Variants in TEC observed in about 807,000 individuals in gnomAD.
The protein encoded by TEC is tyrosine-protein kinase Tec.
Under a neutral mutation model 93.0 loss-of-function variants are expected in TEC, and 72 were observed. That is an observed-to-expected ratio of 0.77 (90% CI 0.64 to 0.94). TEC has a LOEUF of 0.94. Ranked by LOEUF, TEC falls within the 40% of genes least tolerant of loss-of-function variation. The pLI, the probability that TEC is intolerant of heterozygous loss-of-function variation, is 0.00. For missense variants in TEC, 630 were observed against 757.9 expected, an observed-to-expected ratio of 0.83 and a Z score of 1.98; for synonymous variants, 249 against 247.7, an observed-to-expected ratio of 1.01 and a Z score of -0.05.
At chr4:48,145,700 A>C in intron 12 of TEC, 121 bp from the exon 13 acceptor site, 1 of 1,079,830 alleles carries the variant, frequency 9.3e-7, no homozygotes, top group Non-Finnish European at 1.3e-6. Flanking sequence ...CACTGTAATA[A>C]TTCCTGGTAA....
intron 1 of TEC, among the ~76,000 whole-genome samples, chr4:48,241,705 A>G (rs1308062038): frequency 6.6e-6 from 1 of 152,212 alleles, no homozygotes; most frequent in African/African-American, 2.4e-5. Flanking sequence ...GGTTTCTAAC[A>G]CAGCAGAAGT....
chr4:48,261,614 A>C (rs1724498183), intron 1 of TEC, among the ~76,000 whole-genome samples: 1 of 152,218 alleles, frequency 6.6e-6, no homozygotes, highest in African/African-American at 2.4e-5. Flanking sequence ...GAGAAGAAAA[A>C]TCAAAGGTTT....
chr4:48,175,171 G>A (rs533552995), intron 3 of TEC, among the ~76,000 whole-genome samples: 4 of 152,292 alleles, frequency 2.6e-5, no homozygotes, highest in South Asian at 2.1e-4. Flanking sequence ...CCACTCTAGC[G>A]GAGAATAAGC....
chr4:48,201,717 G>A (rs866378084), intron 2 of TEC, among the ~76,000 whole-genome samples: 11 of 152,196 alleles, frequency 7.2e-5, no homozygotes, highest in Non-Finnish European at 1.0e-4. Flanking sequence ...TAAGGAAGGG[G>A]ACGGGAAGCA....
chr4:48,175,046 G>C (rs1400344216), intron 3 of TEC, among the ~76,000 whole-genome samples: 1 of 152,202 alleles, frequency 6.6e-6, no homozygotes, highest in African/African-American at 2.4e-5. Context: ...TGGCCTCAGA[G>C]TCACCTCTCT....
chr4:48,208,563 A>G (rs1183005998), intron 2 of TEC, among the ~76,000 whole-genome samples: 1 of 152,090 alleles, frequency 6.6e-6, no homozygotes, highest in Admixed American at 6.5e-5. Context: ...TCTTTGAGCA[A>G]TAAAGCATTT....
At chr4:48,153,673 A>G (rs1428771406) in intron 9 of TEC, 1 of 152,192 alleles carries the variant, frequency 6.6e-6, no homozygotes, top group African/African-American at 2.4e-5. Context: ...TGAGTTAAAA[A>G]CAACAACAAC....
chr4:48,160,657 G>A lies in TEC; in HGVS notation c.737+3045C>T, dbSNP rs111923596. Among the ~76,000 whole-genome samples the A allele has an allele frequency of 3.2e-4, 48 of 150,412 alleles. 1 individual carries two copies. Among genetic ancestry groups the A allele is most frequent in the African/African-American group, 1.1e-3 (47 of 40,894 alleles). On this transcript the variant is annotated intron_variant, in intron 8 of 17. Coordinates refer to ENST00000381501, the MANE Select transcript of TEC (RefSeq NM_003215.3). The stretch of plus-strand genomic sequence containing the variant: ...CAGGAGAATTGCTTGAACCTGGGAG[G>A]CAGAGGTTGCAGTGAGCTGAGATTG...
In TEC at chr4:48,136,741, A is replaced by G. The variant is rs1333536985; in HGVS notation, c.*675T>C. The G allele has an allele frequency of 6.6e-6, 1 of 152,158 alleles. No homozygotes were observed. The highest frequency in any genetic ancestry group is 1.5e-5 in the Non-Finnish European group (1 of 68,018). The allele number at this position is 152,158 out of a possible 1,614,324, so 9.4% of individuals were successfully genotyped here. ...TTAACAGCTATAAGGCACAGTCTCTAGTCCTAAGAAGGTGAACTCCTATAC... is the reference window on the plus strand; with the variant it reads ...TTAACAGCTATAAGGCACAGTCTCTGGTCCTAAGAAGGTGAACTCCTATAC... On this transcript the variant is annotated 3_prime_UTR_variant, in exon 18 of 18. Transcript: ENST00000381501.
intron 1 of TEC, among the ~76,000 whole-genome samples, chr4:48,251,737 T>C (rs1408542321): frequency 3.9e-5 from 6 of 152,276 alleles, no homozygotes; most frequent in Non-Finnish European, 7.4e-5. Flanking sequence ...ACAGCCTTTA[T>C]TATAAAAAGA....
At chr4:48,224,160 C>T (rs1294926457) in intron 2 of TEC, among the ~76,000 whole-genome samples, 7 of 152,122 alleles carry the variant, frequency 4.6e-5, no homozygotes, top group Admixed American at 2.0e-4. Flanking sequence ...CCTGGCACAA[C>T]GAGTTTCCCC....
At chr4:48,205,351 C>T (rs1378283783) in intron 2 of TEC, among the ~76,000 whole-genome samples, 1 of 152,198 alleles carries the variant, frequency 6.6e-6, no homozygotes, top group Non-Finnish European at 1.5e-5. Flanking sequence ...CTGTGCATGC[C>T]GTTCCCAGCT....
At chr4:48,198,925 A>G (rs1722396435) in intron 2 of TEC, among the ~76,000 whole-genome samples, 1 of 152,214 alleles carries the variant, frequency 6.6e-6, no homozygotes, top group Non-Finnish European at 1.5e-5. Context: ...AAAGAAAGTA[A>G]TGTTTTCCAT....
chr4:48,167,795 T>G lies in TEC; in HGVS notation c.654A>C (p.Arg218Ser). 1.2e-6 allele frequency: 2 copies of G among 1,613,730 alleles called. No individual in the cohort carries two copies. Among genetic ancestry groups the G allele is most frequent in the Non-Finnish European group, 1.7e-6 (2 of 1,179,754 alleles). ...ILEKNDVHWW[R>S]ARDKYGNEGY... ...ATACTTACCCATATTTATCTCTTGC[T>G]CTCCACCAATGAACATCATTCTTTT... The change falls in exon 7 of 18, where the codon AGA (arginine) becomes AGC (serine). Residue 218 changes from arginine (R) to serine (S), a missense_variant. Physicochemically the swap from Arg to Ser is moderately radical, Grantham distance 110 (BLOSUM62 -1). Coordinates refer to ENST00000381501, the MANE Select transcript of TEC (RefSeq NM_003215.3).
At chr4:48,204,348 T>C (rs1181943592) in intron 2 of TEC, among the ~76,000 whole-genome samples, 1 of 152,202 alleles carries the variant, frequency 6.6e-6, no homozygotes, top group Non-Finnish European at 1.5e-5. Context: ...AGTTTTCTGG[T>C]AGGCAACATC....
chr4:48,223,850 T>C (rs1723346963), intron 2 of TEC, among the ~76,000 whole-genome samples: 1 of 152,186 alleles, frequency 6.6e-6, no homozygotes, highest in African/African-American at 2.4e-5. Context: ...TCTGGAACCT[T>C]GGTACACTAG....
At chr4:48,254,939 T>C (rs1724301231) in intron 1 of TEC, among the ~76,000 whole-genome samples, 1 of 152,050 alleles carries the variant, frequency 6.6e-6, no homozygotes, top group African/African-American at 2.4e-5. Flanking sequence ...ATGAGAGGCC[T>C]GCAAGGCACC....
intron 2 of TEC, among the ~76,000 whole-genome samples, chr4:48,213,883 T>A (rs571572514): frequency 1.3e-5 from 2 of 152,134 alleles, no homozygotes; most frequent in South Asian, 2.1e-4. Context: ...TGAAAAAAAA[T>A]TTCTGGGTGT....
intron 2 of TEC, among the ~76,000 whole-genome samples, chr4:48,186,981 C>A (rs1397199453): frequency 1.3e-5 from 2 of 152,134 alleles, no homozygotes; most frequent in East Asian, 3.8e-4. Context: ...GCGTTTTTGT[C>A]GAATAGAAAA....
Sources: allele counts gnomAD v4.1 joint callset (sites outside exome capture counted in the v4.1 genomes callset), GRCh38; gene constraint gnomAD v4.1.1; transcripts MANE v1.5; gene names NCBI Gene and HGNC (gene_info 2026-07-23, HGNC 2026-07-21).